UBE2QL1: variants seen among roughly 807,000 people sequenced by gnomAD.
UBE2QL1 encodes the protein ubiquitin-conjugating enzyme E2Q-like protein 1.
A neutral mutation model predicts 12.6 loss-of-function variants in UBE2QL1; 5 were observed. The observed-to-expected ratio is 0.40, with a 90% CI of 0.21 to 0.83. The LOEUF is 0.83. Among genes scored for constraint, UBE2QL1 ranks in the 40% least tolerant of loss-of-function variants. The pLI is 0.37. For synonymous variants in UBE2QL1, 96 were observed against 94.5 expected, an observed-to-expected ratio of 1.02 and a Z score of -0.10; for missense variants, 99 against 222.6, an observed-to-expected ratio of 0.44 and a Z score of 3.53.
chr5:6,461,543 A>ACCCCC (rs71953375), intron 1 of UBE2QL1, among the ~76,000 whole-genome samples: 23 of 42,192 alleles, frequency 5.5e-4, no homozygotes, highest in African/African-American at 8.1e-4. Flanking sequence ...AGCACCCACC[A>ACCCCC]CCCCCCCCCG....
chr5:6,464,564 C>T (rs918170323), intron 1 of UBE2QL1, among the ~76,000 whole-genome samples: 2 of 152,134 alleles, frequency 1.3e-5, no homozygotes, highest in African/African-American at 2.4e-5. Context: ...ATTAGAGGAA[C>T]TTGAACAGTT....
rs1177504671 is a variant in UBE2QL1, at chr5:6,492,217, G to A, written c.*868G>A. 1 of 152,224 alleles carries A rather than the reference G, an allele frequency of 6.6e-6. No homozygotes were observed. The highest frequency in any genetic ancestry group is 1.5e-5 in the Non-Finnish European group (1 of 68,042). The allele number at this position is 152,224 out of a possible 1,614,324, so 9.4% of individuals were successfully genotyped here. The stretch of plus-strand genomic sequence containing the variant: ...TCCTGTCTTCTCTCCACCACCAAAA[G>A]CAAAAGATGATTTCCCATTCACTGC... On this transcript the variant is annotated 3_prime_UTR_variant, in exon 2 of 2. Coordinates refer to ENST00000399816, the MANE Select transcript of UBE2QL1 (RefSeq NM_001145161.3).
chr5:6,488,322 A>G (rs1579303520), intron 1 of UBE2QL1, among the ~76,000 whole-genome samples: 1 of 152,198 alleles, frequency 6.6e-6, no homozygotes, highest in Non-Finnish European at 1.5e-5. Context: ...TCATGCCAAA[A>G]ACCACAGAAT....
chr5:6,451,755 A>G (rs1739416853), intron 1 of UBE2QL1, among the ~76,000 whole-genome samples: 1 of 152,224 alleles, frequency 6.6e-6, no homozygotes, highest in Non-Finnish European at 1.5e-5. Context: ...TCTGTGCACA[A>G]AAGGATTCTG....
chr5:6,470,696 C>T (rs925873951), intron 1 of UBE2QL1, among the ~76,000 whole-genome samples: 10 of 152,236 alleles, frequency 6.6e-5, no homozygotes, highest in Non-Finnish European at 1.3e-4. Flanking sequence ...CTGATGTGGA[C>T]GTCTGAGCCA....
chr5:6,461,017 TGAAAGA>T (rs1739646959), intron 1 of UBE2QL1, among the ~76,000 whole-genome samples: 1 of 152,222 alleles, frequency 6.6e-6, no homozygotes, highest in Non-Finnish European at 1.5e-5. Flanking sequence ...TCAGTACAAC[TGAAAGA>T]GAATTTCCCT....
chr5:6,490,961 G>A (rs1734555793), intron 1 of UBE2QL1, among the ~76,000 whole-genome samples: 1 of 152,082 alleles, frequency 6.6e-6, no homozygotes, highest in Non-Finnish European at 1.5e-5. Flanking sequence ...TTCAGCCAGT[G>A]CTGTGTGGGG....
chr5:6,482,058 T>A (rs1163117536), intron 1 of UBE2QL1, among the ~76,000 whole-genome samples: 1 of 152,198 alleles, frequency 6.6e-6, no homozygotes, highest in African/African-American at 2.4e-5. Flanking sequence ...CCTAATCCAA[T>A]GACTGGTGTC....
Position 6,493,070 on chromosome 5 carries a change from G to A in UBE2QL1, c.*1721G>A, listed in dbSNP as rs759354397. 2.0e-5 allele frequency: 3 copies of A among 152,208 alleles called. No homozygotes were observed. The highest frequency in any genetic ancestry group is 7.2e-5 in the African/African-American group (3 of 41,438). The allele number at this position is 152,208 out of a possible 1,614,324, so 9.4% of individuals were successfully genotyped here. ...CTTATTTGCCCCCAAGTGCACACAG[G>A]CAGCTCTGCCAGACCAAAATGACAG... On this transcript the variant is annotated 3_prime_UTR_variant, in exon 2 of 2. Coordinates refer to ENST00000399816, the MANE Select transcript of UBE2QL1 (RefSeq NM_001145161.3).
intron 1 of UBE2QL1, among the ~76,000 whole-genome samples, chr5:6,452,759 G>T (rs543344544): frequency 3.9e-5 from 6 of 152,176 alleles, no homozygotes; most frequent in Non-Finnish European, 8.8e-5. Flanking sequence ...GGGAATGCTG[G>T]CCATGAAGAG....
chr5:6,472,624 G>A lies in UBE2QL1; in HGVS notation c.355-18594G>A, dbSNP rs916497899. ...TCTTTCCCTTCCCTGCATTGTGTCCGGGTTGTCTAGCTTTTTCTTCTCAAT... is the reference window on the plus strand; with the variant it reads ...TCTTTCCCTTCCCTGCATTGTGTCCAGGTTGTCTAGCTTTTTCTTCTCAAT... On this transcript the variant is annotated intron_variant, in intron 1 of 1. Coordinates refer to ENST00000399816, the MANE Select transcript of UBE2QL1 (RefSeq NM_001145161.3). Among the ~76,000 whole-genome samples, 19 of 151,996 alleles carry A rather than the reference G, an allele frequency of 1.3e-4. 1 individual carries two copies. Among genetic ancestry groups the A allele is most frequent in the African/African-American group, 2.4e-5 (1 of 41,364 alleles).
At chr5:6,470,907 AC>A (rs1349512901) in intron 1 of UBE2QL1, among the ~76,000 whole-genome samples, 1 of 152,128 alleles carries the variant, frequency 6.6e-6, no homozygotes, top group Non-Finnish European at 1.5e-5. Context: ...CAGAAAGGTT[AC>A]CCCAGGTTAC....
chr5:6,485,251 C>G (rs1385325520), intron 1 of UBE2QL1, among the ~76,000 whole-genome samples: 1 of 152,166 alleles, frequency 6.6e-6, no homozygotes, highest in Non-Finnish European at 1.5e-5. Flanking sequence ...CGACTAGATC[C>G]AGCTGAAGTC....
intron 1 of UBE2QL1, among the ~76,000 whole-genome samples, chr5:6,455,668 A>T (rs976385050): frequency 6.6e-6 from 1 of 152,134 alleles, no homozygotes; most frequent in African/African-American, 2.4e-5. Context: ...AGAGCTCCTC[A>T]TGATTCTAAT....
chr5:6,462,586 A>G (rs1287760559), intron 1 of UBE2QL1, among the ~76,000 whole-genome samples: 1 of 152,174 alleles, frequency 6.6e-6, no homozygotes, highest in African/African-American at 2.4e-5. Context: ...TGGAAGCATC[A>G]TCAAGGAGGA....
chr5:6,467,264 A>G (rs935286053), intron 1 of UBE2QL1, among the ~76,000 whole-genome samples: 67 of 151,414 alleles, frequency 4.4e-4, no homozygotes, highest in Non-Finnish European at 7.8e-4. Context: ...ATCCTACATT[A>G]TTTGAGAGCT....
intron 1 of UBE2QL1, among the ~76,000 whole-genome samples, chr5:6,480,887 A>G (rs1734344862): frequency 6.6e-6 from 1 of 151,986 alleles, no homozygotes; most frequent in South Asian, 2.1e-4. Context: ...ATTTCCTAAT[A>G]CCCTGCTTGA....
chr5:6,457,184 G>A (rs1022904932), intron 1 of UBE2QL1, among the ~76,000 whole-genome samples: 16 of 151,734 alleles, frequency 1.1e-4, no homozygotes, highest in African/African-American at 2.9e-4. Context: ...TCCTGCATCC[G>A]CCACAGCCCC....
intron 1 of UBE2QL1, among the ~76,000 whole-genome samples, chr5:6,453,711 AC>A (rs1560926644): frequency 2.2e-4 from 1 of 4,510 alleles, no homozygotes; most frequent in African/African-American, 5.5e-4. Context: ...ACACATGTGC[AC>A]ACACACACAC....
Sources: allele counts gnomAD v4.1 joint callset (sites outside exome capture counted in the v4.1 genomes callset), GRCh38; gene constraint gnomAD v4.1.1; transcripts MANE v1.5; gene names NCBI Gene and HGNC (gene_info 2026-07-23, HGNC 2026-07-21).